Variants in FBXL13 observed in about 807,000 individuals in gnomAD.
FBXL13 encodes F-box and leucine-rich repeat protein 13.
In FBXL13, 67 loss-of-function variants were observed where a neutral mutation model predicts 83.6. The ratio of observed to expected loss-of-function variants is 0.80; its 90% CI spans 0.66 to 0.98. FBXL13 has a LOEUF of 0.98. Ranked by LOEUF, FBXL13 falls within the 50% of genes least tolerant of loss-of-function variation. FBXL13 has a pLI of 0.00. For synonymous variants in FBXL13, 272 were observed against 299.5 expected (o/e 0.91, Z 0.95); for missense variants, 822 against 866.5 (o/e 0.95, Z 0.64).
At chr7:102,976,632 A>C (rs1197695441) in intron 6 of FBXL13, among the ~76,000 whole-genome samples, 1 of 152,000 alleles carries the variant, frequency 6.6e-6, no homozygotes, top group Non-Finnish European at 1.5e-5. Flanking sequence ...CCTCAGTCGC[A>C]AAACACCACA....
downstream of FBXL13, among the ~76,000 whole-genome samples, chr7:102,811,832 GCCTGTGTGC>G (rs1797452504): frequency 6.6e-6 from 1 of 152,080 alleles, no homozygotes; most frequent in African/African-American, 2.4e-5. Flanking sequence ...TGATTCTGTT[GCCTGTGTGC>G]CCACTCCTAG....
chr7:102,937,976 T>C (rs942275082), intron 8 of FBXL13, among the ~76,000 whole-genome samples: 2 of 152,230 alleles, frequency 1.3e-5, no homozygotes, highest in African/African-American at 4.8e-5. Flanking sequence ...TATGTGCCCA[T>C]TCAACCACAC....
At chr7:102,891,341 A>G (rs1811513642) in intron 11 of FBXL13, among the ~76,000 whole-genome samples, 1 of 152,196 alleles carries the variant, frequency 6.6e-6, no homozygotes, top group Non-Finnish European at 1.5e-5. Flanking sequence ...TCAGGTAGAC[A>G]TGTTTCTAAC....
At chr7:102,900,874 T>C (rs967367426) in intron 11 of FBXL13, among the ~76,000 whole-genome samples, 1 of 152,252 alleles carries the variant, frequency 6.6e-6, no homozygotes, top group African/African-American at 2.4e-5. Context: ...TTGTTTTGCA[T>C]AATGATGTGA....
In FBXL13 at chr7:102,934,602, C is replaced by G. The variant is rs769069587; in HGVS notation, c.725-2669G>C. The stretch of plus-strand genomic sequence containing the variant: ...CCGAAACCCCAAGTGTCAGGGAGAC[C>G]CCCAGTCATCAAGCCTGAGGTGGAC... On this transcript the variant is annotated intron_variant, in intron 8 of 19. Transcript: ENST00000313221. 6 of 1,613,932 alleles carry G rather than the reference C, an allele frequency of 3.7e-6. No individual in the cohort carries two copies. In the East Asian group the frequency reaches 1.1e-4, roughly 30 times the overall value.
chr7:102,824,470 A>G (rs1302549659), intron 18 of FBXL13, among the ~76,000 whole-genome samples: 1 of 151,980 alleles, frequency 6.6e-6, no homozygotes, highest in South Asian at 2.1e-4. Flanking sequence ...AAATACAGTA[A>G]TTACATTTAT....
chr7:102,934,102 A>C (rs978133756), intron 8 of FBXL13: 14 of 1,614,040 alleles, frequency 8.7e-6, no homozygotes, highest in Non-Finnish European at 1.2e-5. Context: ...TCCATGAGAA[A>C]TACTTAGATT....
At chr7:102,832,858 G>A in exon 18 of FBXL13, 2 of 1,614,212 alleles carry the variant, frequency 1.2e-6, no homozygotes, top group Non-Finnish European at 1.7e-6. Context: ...AGCCAGCAAT[G>A]CTGAGAGATG....
chr7:102,822,583 G>A (rs1479980778), intron 18 of FBXL13: 1 of 386,960 alleles, frequency 2.6e-6, no homozygotes, highest in Admixed American at 3.4e-5. Flanking sequence ...GTCACAGTGG[G>A]AGTTAGGGTT....
At chr7:102,883,665 A>C in exon 13 of FBXL13, 1 of 1,608,258 alleles carries the variant, frequency 6.2e-7, no homozygotes, top group Non-Finnish European at 8.5e-7. Context: ...ATGTAATACG[A>C]GAGCATTTTT....
chr7:102,942,217 C>A, intron 8 of FBXL13: 1 of 1,228,152 alleles, frequency 8.1e-7, no homozygotes, highest in Non-Finnish European at 1.2e-6. Flanking sequence ...TCTTTTGAAA[C>A]AAAAAAGTAT....
intron 8 of FBXL13, chr7:102,942,409 C>A: frequency 1.5e-6 from 2 of 1,353,110 alleles, no homozygotes; most frequent in Non-Finnish European, 1.0e-6. Context: ...ATATAAAATG[C>A]CAGACATTGT....
intron 10 of FBXL13, among the ~76,000 whole-genome samples, chr7:102,913,589 C>T (rs1446697668): frequency 6.6e-6 from 1 of 152,076 alleles, no homozygotes; most frequent in Non-Finnish European, 1.5e-5. Flanking sequence ...TAGGTTTTAT[C>T]TCTGGAGTAC....
chr7:103,052,304 G>A (rs1239719576), intron 2 of FBXL13, among the ~76,000 whole-genome samples: 3 of 152,102 alleles, frequency 2.0e-5, no homozygotes, highest in Admixed American at 2.0e-4. Flanking sequence ...GCCCAGGTTG[G>A]TTTCAAACTC....
chr7:102,912,671 A>AACC (rs1814922725), intron 11 of FBXL13, among the ~76,000 whole-genome samples: 10 of 73,538 alleles, frequency 1.4e-4, no homozygotes, highest in African/African-American at 1.8e-4. Flanking sequence ...ATAGCATTTT[A>AACC]CCCCCCCCCC....
At position 103,055,004 on chromosome 7, in the gene FBXL13, C is replaced by G. The variant is rs80190976; in HGVS notation, c.-1+640G>C. The G allele has an allele frequency of 9.4e-3, 7,819 of 830,986 alleles. 71 individuals are homozygous for G. Among genetic ancestry groups the G allele is most frequent in the South Asian group, 0.022 (1,368 of 62,346 alleles). The allele number at this position is 830,986 out of a possible 1,614,324, so 51.5% of individuals were successfully genotyped here. ...ACAACAAAAACAGTCTGACCTCACA[C>G]CTCCCATAAATATAAAATCTACTTG... On this transcript the variant is annotated intron_variant, in intron 2 of 19. Transcript: ENST00000313221.
chr7:103,019,294 T>G (rs1323358730), intron 6 of FBXL13, among the ~76,000 whole-genome samples: 1 of 152,130 alleles, frequency 6.6e-6, no homozygotes, highest in Non-Finnish European at 1.5e-5. Context: ...AGAGACAACA[T>G]ACCGGAATGT....
intron 11 of FBXL13, among the ~76,000 whole-genome samples, chr7:102,898,686 TG>T (rs1812585763): frequency 6.6e-6 from 1 of 152,142 alleles, no homozygotes; most frequent in Non-Finnish European, 1.5e-5. Context: ...GCCAGCAAAG[TG>T]GGAAGTAGAT....
intron 14 of FBXL13, among the ~76,000 whole-genome samples, chr7:102,881,485 G>A (rs984007940): frequency 1.4e-5 from 2 of 145,606 alleles, no homozygotes; most frequent in African/African-American, 2.6e-5. Flanking sequence ...AAGCCTGCAC[G>A]AAATGCAAGA....
Sources: allele counts gnomAD v4.1 joint callset (sites outside exome capture counted in the v4.1 genomes callset), GRCh38; gene constraint gnomAD v4.1.1; transcripts MANE v1.5; gene names NCBI Gene and HGNC (gene_info 2026-07-23, HGNC 2026-07-21).